Variants in EIF4ENIF1 observed in about 807,000 individuals in gnomAD.
EIF4ENIF1 encodes eukaryotic translation initiation factor 4E nuclear import factor 1, also known as eukaryotic translation initiation factor 4E transporter.
Under a neutral mutation model 110.5 loss-of-function variants are expected in EIF4ENIF1, and 23 were observed. The observed-to-expected ratio is 0.21, with a 90% CI of 0.15 to 0.29. The LOEUF (loss-of-function observed/expected upper bound fraction) is 0.29, where lower values mean the gene tolerates loss of function less well. Ranked by LOEUF, EIF4ENIF1 falls within the 10% of genes least tolerant of loss-of-function variation. The pLI is 1.00. For missense variants in EIF4ENIF1, 1,031 were observed against 1,221.1 expected (o/e 0.84, Z 2.32); for synonymous variants, 440 against 437.0 (o/e 1.01, Z -0.09).
intron 2 of EIF4ENIF1, among the ~76,000 whole-genome samples, chr22:31,472,537 G>T (rs1437610135): frequency 6.6e-6 from 1 of 152,144 alleles, no homozygotes; most frequent in Non-Finnish European, 1.5e-5. Flanking sequence ...CCAAAGTGCT[G>T]GGATTACAGG....
intron 2 of EIF4ENIF1, among the ~76,000 whole-genome samples, chr22:31,473,613 G>A (rs2051466974): frequency 6.6e-6 from 1 of 152,132 alleles, no homozygotes; most frequent in East Asian, 1.9e-4. Context: ...TTTTGGGTTG[G>A]TCTGATGTTT....
rs576182355 is a variant in EIF4ENIF1, at chr22:31,475,315, T to C, written c.97-3398A>G. The stretch of plus-strand genomic sequence containing the variant: ...ACAACCTATAAATCACCAGTAAAGA[T>C]AGGAGTCAGCCAGGTCCAGTGGCTC... On this transcript the variant is annotated intron_variant, in intron 2 of 18. Coordinates refer to ENST00000330125, the MANE Select transcript of EIF4ENIF1 (RefSeq NM_019843.4). 1.1e-3 allele frequency among the ~76,000 whole-genome samples: 170 copies of C among 152,196 alleles called. 1 individual carries two copies. The highest frequency in any genetic ancestry group is 6.6e-3 in the South Asian group (32 of 4,816).
intron 3 of EIF4ENIF1, among the ~76,000 whole-genome samples, chr22:31,469,984 T>C (rs893191022): frequency 3.0e-4 from 45 of 151,730 alleles, no homozygotes; most frequent in Admixed American, 1.8e-3. Flanking sequence ...GCCAACATGG[T>C]GAAACCCCGT....
downstream of EIF4ENIF1, chr22:31,437,345 G>C (rs923428186): frequency 6.6e-6 from 1 of 151,884 alleles, no homozygotes; most frequent in African/African-American, 2.4e-5. Context: ...TCTCGTGCCT[G>C]CAAGACATCA....
chr22:31,446,453 A>C (rs2050481952), intron 14 of EIF4ENIF1, among the ~76,000 whole-genome samples: 1 of 152,108 alleles, frequency 6.6e-6, no homozygotes, highest in South Asian at 2.1e-4. Flanking sequence ...TGCTTGTGTA[A>C]GGCTATCTCC....
At chr22:31,488,776 C>G (rs1241810588) in intron 1 of EIF4ENIF1, 31 bp from the exon 2 acceptor site, 8 of 1,567,224 alleles carry the variant, frequency 5.1e-6, no homozygotes, top group Non-Finnish European at 6.9e-6. Context: ...AAATTGTCAC[C>G]GAGAACAGTA....
intron 2 of EIF4ENIF1, among the ~76,000 whole-genome samples, chr22:31,476,190 T>C (rs1474364782): frequency 1.3e-5 from 2 of 152,204 alleles, no homozygotes; most frequent in Non-Finnish European, 2.9e-5. Context: ...CCCATGCAGA[T>C]ACTAAGAACC....
chr22:31,455,612 C>T lies in EIF4ENIF1; in HGVS notation c.1099+240G>A, dbSNP rs528207462. On this transcript the variant is annotated intron_variant, in intron 8 of 18. Transcript: ENST00000330125. ...TGGGGGTTTCACCATGTTGGCCAGG[C>T]TGGTCTCAAACTCCTAACCTTGTGA... 1.2e-4 allele frequency among the ~76,000 whole-genome samples: 18 copies of T among 152,144 alleles called. No homozygotes were observed. In the South Asian group the frequency reaches 2.9e-3, roughly 25 times the overall value.
intron 2 of EIF4ENIF1, among the ~76,000 whole-genome samples, chr22:31,487,807 A>G (rs940895797): frequency 1.1e-4 from 17 of 151,898 alleles, no homozygotes; most frequent in African/African-American, 3.9e-4. Flanking sequence ...AAAAAAAAAA[A>G]AAAAAAGAAA....
intron 8 of EIF4ENIF1, 68 bp downstream of exon 8, chr22:31,455,784 G>A (rs2145952396): frequency 1.3e-6 from 2 of 1,595,368 alleles, no homozygotes; most frequent in East Asian, 4.5e-5. Context: ...GACTAATGAA[G>A]ATAAAATGAA....
intron 2 of EIF4ENIF1, among the ~76,000 whole-genome samples, chr22:31,477,027 C>G (rs181537890): frequency 2.7e-5 from 4 of 149,556 alleles, no homozygotes; most frequent in Non-Finnish European, 4.4e-5. Flanking sequence ...TGCCTATTGT[C>G]CAGGCGACTT....
chr22:31,440,912 C>T (rs568138003), intron 17 of EIF4ENIF1, 44 bp from the exon 18 acceptor site: 3 of 1,607,998 alleles, frequency 1.9e-6, no homozygotes, highest in Non-Finnish European at 2.5e-6. Flanking sequence ...CTTAATGTTA[C>T]CTGGAAGTTT....
downstream of EIF4ENIF1, among the ~76,000 whole-genome samples, chr22:31,438,763 G>A (rs995060977): frequency 9.9e-5 from 15 of 150,942 alleles, no homozygotes; most frequent in East Asian, 5.8e-4. Context: ...TCACTCTGTC[G>A]CCAGGCTGGA....
At chr22:31,446,055 G>C (rs894116634) in intron 14 of EIF4ENIF1, among the ~76,000 whole-genome samples, 1 of 149,692 alleles carries the variant, frequency 6.7e-6, no homozygotes, top group Non-Finnish European at 1.5e-5. Context: ...TTTGGGGACC[G>C]AAGCAGGTGA....
At chr22:31,444,878 A>T (rs192466109) in intron 14 of EIF4ENIF1, among the ~76,000 whole-genome samples, 188 bp from the exon 15 acceptor site, 1 of 152,220 alleles carries the variant, frequency 6.6e-6, no homozygotes, top group Non-Finnish European at 1.5e-5. Flanking sequence ...CAAAAGGAAA[A>T]TGAAACACAG....
At chr22:31,449,220 G>C (rs752623120) in intron 12 of EIF4ENIF1, 128 bp downstream of exon 12, 83 of 900,232 alleles carry the variant, frequency 9.2e-5, no homozygotes, top group Non-Finnish European at 1.4e-4. Context: ...ACGTTGGCCA[G>C]GCTGGTCTCA....
In EIF4ENIF1 at chr22:31,463,888, G is replaced by A. The variant is rs761886790; in HGVS notation, c.378C>T (p.His126=). The A allele has an allele frequency of 2.5e-5, 40 of 1,614,000 alleles. No individual in the cohort carries two copies. The highest frequency in any genetic ancestry group is 1.6e-4 in the East Asian group (7 of 44,892). Residue 126 remains histidine (H), a synonymous_variant, in exon 5 of 19, where the codon CAC becomes CAT. Coordinates refer to ENST00000330125, the MANE Select transcript of EIF4ENIF1 (RefSeq NM_019843.4). ...GCCGGGAGCTAACAGCGGCTGTCACGTGGCAGCCCCCTCCAAAGCTCCGTC... is the reference window on the plus strand; with the variant it reads ...GCCGGGAGCTAACAGCGGCTGTCACATGGCAGCCCCCTCCAAAGCTCCGTC... ...PQRRSFGGGC[H]VTAAVSSRRS... is the part of the protein sequence containing the mutation.
chr22:31,446,444 G>A (rs2050481356), intron 14 of EIF4ENIF1, among the ~76,000 whole-genome samples: 1 of 152,130 alleles, frequency 6.6e-6, no homozygotes, highest in Admixed American at 6.6e-5. Flanking sequence ...AATAGGATGT[G>A]CTTGTGTAAG....
Position 31,471,926 on chromosome 22 carries a change from A to G in EIF4ENIF1, c.97-9T>C, listed in dbSNP as rs2051394716. Reference sequence around the variant, plus strand: ...ATATCCAAGAGTTCTTCCTAAAAAGAGAAGTCAAATAGTCATTTTGAATTA... The same window carrying G: ...ATATCCAAGAGTTCTTCCTAAAAAGGGAAGTCAAATAGTCATTTTGAATTA... On this transcript the variant is annotated splice_polypyrimidine_tract_variant and intron_variant, in intron 2 of 18. Coordinates refer to ENST00000330125, the MANE Select transcript of EIF4ENIF1 (RefSeq NM_019843.4). 1 of 1,595,260 alleles carries G rather than the reference A, an allele frequency of 6.3e-7. No individual in the cohort carries two copies.
Sources: allele counts gnomAD v4.1 joint callset (sites outside exome capture counted in the v4.1 genomes callset), GRCh38; gene constraint gnomAD v4.1.1; transcripts MANE v1.5; gene names NCBI Gene and HGNC (gene_info 2026-07-23, HGNC 2026-07-21).